The following OR2L13 variants were observed in gnomAD, a reference collection of about 807,000 sequenced individuals.
OR2L13 encodes olfactory receptor family 2 subfamily L member 13.
OR2L13 carries 14 observed loss-of-function variants against 15.3 expected under a neutral mutation model. The observed-to-expected ratio is 0.91, with a 90% CI of 0.60 to 1.43. The LOEUF is 1.43. OR2L13 is among the 40% of genes most tolerant of loss of function. OR2L13 has a pLI of 0.00. For missense variants in OR2L13, 367 were observed against 387.9 expected (o/e 0.95, Z 0.45); for synonymous variants, 152 against 142.9 (o/e 1.06, Z -0.45).
At chr1:248,094,724 ATAATT>A (rs1490650981), upstream of OR2L13, among the ~76,000 whole-genome samples, 2 of 152,186 alleles carry the variant, frequency 1.3e-5, no homozygotes, top group Non-Finnish European at 2.9e-5. Context: ...TTATCCTAGT[ATAATT>A]TAATTTAGTC....
chr1:248,091,268 G>T (rs1419462506), upstream of OR2L13, among the ~76,000 whole-genome samples: 2 of 151,676 alleles, frequency 1.3e-5, no homozygotes, highest in African/African-American at 4.9e-5. Flanking sequence ...ATTTTGCTAT[G>T]CAAGAGCTCT....
chr1:248,092,303 C>G (rs140622756), upstream of OR2L13, among the ~76,000 whole-genome samples: 28 of 152,212 alleles, frequency 1.8e-4, no homozygotes, highest in African/African-American at 6.3e-4. Context: ...GCTAAGACTT[C>G]CTACATAATA....
the OR2L13 span, among the ~76,000 whole-genome samples, chr1:248,043,534 G>A: frequency 6.6e-6 from 1 of 152,100 alleles, no homozygotes; most frequent in Admixed American, 6.6e-5. Context: ...AACAAATTTC[G>A]GTGGCCCTAT....
At chr1:248,083,117 C>T in the OR2L13 span, among the ~76,000 whole-genome samples, 1 of 151,840 alleles carries the variant, frequency 6.6e-6, no homozygotes, top group East Asian at 1.9e-4. Flanking sequence ...AGTTGTGTAC[C>T]TCCCCTTTTT....
At chr1:248,034,927 A>ATTAT in the OR2L13 span, among the ~76,000 whole-genome samples, 1 of 152,216 alleles carries the variant, frequency 6.6e-6, no homozygotes, top group African/African-American at 2.4e-5. Flanking sequence ...TATTGTGTTA[A>ATTAT]TTATTTATAA....
the OR2L13 span, among the ~76,000 whole-genome samples, chr1:247,992,774 C>G: frequency 2.0e-5 from 3 of 151,862 alleles, no homozygotes; most frequent in Admixed American, 1.3e-4. Context: ...TTCCAATTCA[C>G]TATTGATGGG....
chr1:248,008,935 C>G, the OR2L13 span, among the ~76,000 whole-genome samples: 2 of 152,154 alleles, frequency 1.3e-5, no homozygotes, highest in Admixed American at 6.6e-5. Flanking sequence ...TCCTGAATGA[C>G]TATTGGGTAA....
the OR2L13 span, among the ~76,000 whole-genome samples, chr1:247,938,644 G>A: frequency 1.3e-5 from 2 of 151,948 alleles, no homozygotes; most frequent in African/African-American, 4.8e-5. Flanking sequence ...AAATAAACAT[G>A]CCCACACACA....
chr1:248,051,561 C>G, the OR2L13 span, among the ~76,000 whole-genome samples: 1 of 152,068 alleles, frequency 6.6e-6, no homozygotes, highest in Non-Finnish European at 1.5e-5. Context: ...AAGATGGGAA[C>G]AGTAGACACT....
the OR2L13 span, among the ~76,000 whole-genome samples, chr1:248,044,529 C>T: frequency 0.12 from 10,609 of 88,052 alleles, 1,808 homozygotes; most frequent in African/African-American, 0.2. Flanking sequence ...CCCGGCCGGG[C>T]GCGGTGGCTC....
chr1:247,991,262 C>A, the OR2L13 span: 1 of 1,166,826 alleles, frequency 8.6e-7, no homozygotes, highest in Non-Finnish European at 1.2e-6. Flanking sequence ...CAGCAGTGTA[C>A]GGCGGTTAAG....
At chr1:247,994,329 G>A in the OR2L13 span, among the ~76,000 whole-genome samples, 5 of 152,212 alleles carry the variant, frequency 3.3e-5, no homozygotes, top group East Asian at 1.9e-4. Flanking sequence ...CCCGGGAGGC[G>A]GAGCTTGCAG....
exon 3 of OR2L13, chr1:248,099,556 C>A: frequency 6.2e-7 from 1 of 1,614,130 alleles, no homozygotes; most frequent in South Asian, 1.1e-5. Flanking sequence ...GATGTACTTT[C>A]TTCTCAGCCA....
chr1:248,073,580 A>G, the OR2L13 span, among the ~76,000 whole-genome samples: 1 of 151,926 alleles, frequency 6.6e-6, no homozygotes, highest in African/African-American at 2.4e-5. Flanking sequence ...TACATATGTA[A>G]CTAACCTGCA....
At chr1:248,100,402 T>A in exon 3 of OR2L13, 1 of 606,694 alleles carries the variant, frequency 1.6e-6, no homozygotes, top group Non-Finnish European at 2.7e-6. Flanking sequence ...AAATACAACA[T>A]AATTTAAAAT....
chr1:248,048,589 C>T, the OR2L13 span, among the ~76,000 whole-genome samples: 2 of 152,134 alleles, frequency 1.3e-5, no homozygotes, highest in Non-Finnish European at 2.9e-5. Flanking sequence ...GATTCAGGTA[C>T]AGACAGCTTG....
chr1:248,044,032 G>A, the OR2L13 span, among the ~76,000 whole-genome samples: 1 of 152,074 alleles, frequency 6.6e-6, no homozygotes, highest in Non-Finnish European at 1.5e-5. Context: ...TTCCTTAGCC[G>A]TAAACATCTA....
the OR2L13 span, chr1:248,013,630 A>C: frequency 1.3e-5 from 2 of 152,076 alleles, no homozygotes; most frequent in Non-Finnish European, 2.9e-5. Context: ...TTCTTTAAAA[A>C]CCATTCAGAA....
chr1:248,083,531 AT>A, the OR2L13 span: 1 of 838,740 alleles, frequency 1.2e-6, no homozygotes, highest in African/African-American at 1.7e-5. Flanking sequence ...TATTATATCA[AT>A]GCACAAACTT....
Sources: allele counts gnomAD v4.1 joint callset (sites outside exome capture counted in the v4.1 genomes callset), GRCh38; gene constraint gnomAD v4.1.1; transcripts MANE v1.5; gene names NCBI Gene and HGNC (gene_info 2026-07-23, HGNC 2026-07-21).